Variants in F13A1 observed in about 807,000 individuals in gnomAD.
F13A1 encodes the protein FSF, A subunit.
In F13A1, 47 loss-of-function variants were observed where a neutral mutation model predicts 80.1. The ratio of observed to expected loss-of-function variants is 0.59; its 90% CI spans 0.46 to 0.75. F13A1 has a LOEUF of 0.75. F13A1 is among the 30% of genes least tolerant of loss of function. The pLI, the probability that F13A1 is intolerant of heterozygous loss-of-function variation, is 0.00. For missense variants in F13A1, 817 were observed against 930.4 expected (o/e 0.88, Z 1.59); for synonymous variants, 349 against 344.9 (o/e 1.01, Z -0.13).
intron 6 of F13A1, among the ~76,000 whole-genome samples, chr6:6,239,906 G>A (rs1325607520): frequency 1.3e-5 from 2 of 152,114 alleles, no homozygotes; most frequent in Admixed American, 6.6e-5. Flanking sequence ...GAGGAGACAG[G>A]GGAAAGAAAG....
intron 10 of F13A1, among the ~76,000 whole-genome samples, chr6:6,193,978 T>C (rs1209378915): frequency 1.3e-5 from 2 of 152,236 alleles, no homozygotes; most frequent in Non-Finnish European, 2.9e-5. Flanking sequence ...ACTGGTCTTT[T>C]GTGTGTTTCA....
intron 10 of F13A1, 100 bp from the exon 11 acceptor site, chr6:6,182,241 G>A: frequency 7.8e-7 from 1 of 1,285,056 alleles, no homozygotes; most frequent in Non-Finnish European, 1.1e-6. Context: ...CTCTGGAGCT[G>A]ACATGCCCCT....
chr6:6,166,491 G>A (rs1760676569), intron 13 of F13A1, among the ~76,000 whole-genome samples: 1 of 152,242 alleles, frequency 6.6e-6, no homozygotes, highest in African/African-American at 2.4e-5. Flanking sequence ...AGCAGGATCT[G>A]TGCTAATTGC....
chr6:6,267,741 A>T (rs1451785783), intron 3 of F13A1, among the ~76,000 whole-genome samples: 5 of 81,766 alleles, frequency 6.1e-5, no homozygotes, highest in Admixed American at 2.2e-4. Context: ...TGATAGATTT[A>T]AAAAAAAATA....
At chr6:6,296,650 A>C (rs1044568426) in intron 3 of F13A1, among the ~76,000 whole-genome samples, 2 of 149,314 alleles carry the variant, frequency 1.3e-5, no homozygotes. Context: ...TTTTGGGCTG[A>C]GACAATGGGG....
chr6:6,228,950 G>A (rs1029243074), intron 6 of F13A1, among the ~76,000 whole-genome samples: 1 of 152,110 alleles, frequency 6.6e-6, no homozygotes, highest in Non-Finnish European at 1.5e-5. Flanking sequence ...AGATGTAGGA[G>A]AATCTTAAGG....
intron 3 of F13A1, among the ~76,000 whole-genome samples, chr6:6,282,239 T>C (rs1305188006): frequency 6.6e-6 from 1 of 152,162 alleles, no homozygotes; most frequent in African/African-American, 2.4e-5. Context: ...TAAATGGTTA[T>C]TTTGAGGGTA....
At chr6:6,240,690 C>T (rs2113087424) in intron 6 of F13A1, among the ~76,000 whole-genome samples, 1 of 152,220 alleles carries the variant, frequency 6.6e-6, no homozygotes, top group Middle Eastern at 3.4e-3. Flanking sequence ...TTCTATTTTC[C>T]CACTGGCTTC....
chr6:6,196,330 G>C (rs919840921), intron 9 of F13A1, among the ~76,000 whole-genome samples: 6 of 152,208 alleles, frequency 3.9e-5, no homozygotes, highest in Admixed American at 2.6e-4. Flanking sequence ...GACATTGCCT[G>C]TGCATTTTGG....
chr6:6,161,551 T>TGTGA (rs1010361754), intron 13 of F13A1, among the ~76,000 whole-genome samples: 293 of 146,362 alleles, frequency 2.0e-3, no homozygotes, highest in South Asian at 4.6e-3. Context: ...TGTGTGTGTG[T>TGTGA]GAGAGAGAGA....
At chr6:6,237,658 A>G (rs1374139963) in intron 6 of F13A1, among the ~76,000 whole-genome samples, 1 of 151,916 alleles carries the variant, frequency 6.6e-6, no homozygotes, top group Non-Finnish European at 1.5e-5. Flanking sequence ...GGATGTCCTT[A>G]CTCTTTGATC....
intron 3 of F13A1, among the ~76,000 whole-genome samples, chr6:6,270,806 G>A (rs1042895634): frequency 6.6e-6 from 1 of 152,174 alleles, no homozygotes; most frequent in Non-Finnish European, 1.5e-5. Context: ...TGAGGAAAAG[G>A]GACATTGAGA....
intron 6 of F13A1, 38 bp from the exon 7 acceptor site, chr6:6,224,898 C>T (rs1466456736): frequency 6.2e-7 from 1 of 1,612,220 alleles, no homozygotes; most frequent in African/African-American, 1.3e-5. Context: ...GAAGAAAGTT[C>T]ATTTAGGTTT....
chr6:6,154,238 G>A (rs986536472), intron 13 of F13A1, among the ~76,000 whole-genome samples: 7 of 151,868 alleles, frequency 4.6e-5, no homozygotes, highest in Non-Finnish European at 8.8e-5. Context: ...ACAAGACTGA[G>A]AATGGATAAG....
chr6:6,302,879 G>A (rs1583121635), intron 3 of F13A1, among the ~76,000 whole-genome samples: 2 of 152,282 alleles, frequency 1.3e-5, no homozygotes, highest in East Asian at 3.8e-4. Context: ...TACAGTGTCA[G>A]AGTTTCCAGT....
chr6:6,187,961 T>C (rs948751581), intron 10 of F13A1, among the ~76,000 whole-genome samples: 13 of 149,416 alleles, frequency 8.7e-5, no homozygotes, highest in Non-Finnish European at 1.6e-4. Context: ...GGAGAGTGTA[T>C]GTGTCGAGGA....
chr6:6,262,612 C>T (rs1466205626), intron 4 of F13A1, among the ~76,000 whole-genome samples: 3 of 152,116 alleles, frequency 2.0e-5, no homozygotes, highest in South Asian at 2.1e-4. Flanking sequence ...TCACCTTCTA[C>T]CCTCCAGATG....
intron 1 of F13A1, among the ~76,000 whole-genome samples, chr6:6,319,588 C>T (rs1758741952): frequency 6.6e-6 from 1 of 152,048 alleles, no homozygotes; most frequent in Admixed American, 6.5e-5. Context: ...GTTTCTGGGC[C>T]CAGTGAAGGT....
chr6:6,298,661 T>A lies in F13A1; in HGVS notation c.319+6690A>T, dbSNP rs936257661. ...GTGTGTCTCTGCATGTGAGATGGGT[T>A]TCCTGAATACAGCACACTGATGGGT... On this transcript the variant is annotated intron_variant, in intron 3 of 14. Coordinates refer to ENST00000264870, the MANE Select transcript of F13A1 (RefSeq NM_000129.4). Among the ~76,000 whole-genome samples the A allele has an allele frequency of 3.0e-3, 455 of 149,826 alleles. 18 individuals carry two copies. Among genetic ancestry groups the A allele is most frequent in the African/African-American group, 0.011 (442 of 39,276 alleles).
Sources: allele counts gnomAD v4.1 joint callset (sites outside exome capture counted in the v4.1 genomes callset), GRCh38; gene constraint gnomAD v4.1.1; transcripts MANE v1.5; gene names NCBI Gene and HGNC (gene_info 2026-07-23, HGNC 2026-07-21).